The following TMEM178B variants were observed in gnomAD, a reference collection of about 807,000 sequenced individuals.
TMEM178B encodes the protein transmembrane protein 178B.
A neutral mutation model predicts 31.0 loss-of-function variants in TMEM178B; 5 were observed. The observed-to-expected ratio is 0.16, with a 90% confidence interval of 0.08 to 0.34. TMEM178B has a LOEUF of 0.34. TMEM178B is among the 10% of genes least tolerant of loss of function. The pLI is 1.00. For synonymous variants in TMEM178B, 164 were observed against 164.0 expected (o/e 1.00, Z 0.00); for missense variants, 275 against 400.3 (o/e 0.69, Z 2.67).
chr7:141,337,054 CACCACCACCATCACT>C (rs1469447254), intron 2 of TMEM178B, among the ~76,000 whole-genome samples: 1 of 82,556 alleles, frequency 1.2e-5, no homozygotes, highest in Admixed American at 1.1e-4. Context: ...CCACCATCAC[CACCACCACCATCACT>C]ACCACCACCA....
chr7:141,282,535 A>G (rs1231956591), intron 2 of TMEM178B, among the ~76,000 whole-genome samples: 1 of 152,236 alleles, frequency 6.6e-6, no homozygotes, highest in Non-Finnish European at 1.5e-5. Context: ...TGAAGAGGCA[A>G]TGCCTGATAA....
At chr7:141,156,043 C>T (rs1479855833) in intron 1 of TMEM178B, among the ~76,000 whole-genome samples, 1 of 152,034 alleles carries the variant, frequency 6.6e-6, no homozygotes, top group Non-Finnish European at 1.5e-5. Flanking sequence ...CCAGCCTGGG[C>T]GATAGGGTGA....
intron 2 of TMEM178B, among the ~76,000 whole-genome samples, chr7:141,398,049 G>A (rs1800689151): frequency 6.6e-6 from 1 of 152,198 alleles, no homozygotes; most frequent in South Asian, 2.1e-4. Flanking sequence ...GGTGTGTGGA[G>A]TGGGCAGGTA....
intron 2 of TMEM178B, among the ~76,000 whole-genome samples, chr7:141,275,960 T>A (rs1295866251): frequency 6.6e-6 from 1 of 152,184 alleles, no homozygotes; most frequent in Non-Finnish European, 1.5e-5. Flanking sequence ...GCACATCTGA[T>A]CATATTTTAT....
At chr7:141,366,251 CT>C (rs1800002611) in intron 2 of TMEM178B, among the ~76,000 whole-genome samples, 1 of 152,176 alleles carries the variant, frequency 6.6e-6, no homozygotes, top group Non-Finnish European at 1.5e-5. Flanking sequence ...CTTTGACACA[CT>C]TCTCATTTTT....
chr7:141,268,095 A>G (rs1305591267), intron 2 of TMEM178B, among the ~76,000 whole-genome samples: 1 of 152,246 alleles, frequency 6.6e-6, no homozygotes, highest in Non-Finnish European at 1.5e-5. Flanking sequence ...TTATGAAAAA[A>G]CTATGCAATG....
intron 2 of TMEM178B, among the ~76,000 whole-genome samples, chr7:141,245,165 A>G (rs1797705146): frequency 9.3e-6 from 1 of 107,640 alleles, no homozygotes; most frequent in Non-Finnish European, 1.8e-5. Flanking sequence ...GCAAGACTCC[A>G]TCACCAAAAA....
At chr7:141,401,746 C>T (rs1800780234) in intron 2 of TMEM178B, among the ~76,000 whole-genome samples, 1 of 152,186 alleles carries the variant, frequency 6.6e-6, no homozygotes, top group Non-Finnish European at 1.5e-5. Context: ...ATTTGTGTCT[C>T]TACAGACCAT....
At chr7:141,499,304 C>T in the TMEM178B span, among the ~76,000 whole-genome samples, 1 of 151,956 alleles carries the variant, frequency 6.6e-6, no homozygotes, top group African/African-American at 2.4e-5. Flanking sequence ...TAGTCCTAAT[C>T]CTTCCAACAT....
At chr7:141,393,627 GAA>G (rs1554483110) in intron 2 of TMEM178B, among the ~76,000 whole-genome samples, 2 of 152,160 alleles carry the variant, frequency 1.3e-5, no homozygotes, top group Non-Finnish European at 2.9e-5. Context: ...GCTCCAAAGA[GAA>G]AGAGAAAGGT....
intron 2 of TMEM178B, among the ~76,000 whole-genome samples, chr7:141,239,755 A>G (rs1471577504): frequency 6.6e-6 from 1 of 152,160 alleles, no homozygotes; most frequent in Non-Finnish European, 1.5e-5. Flanking sequence ...GGTCCTGGTC[A>G]CTGTTATCAG....
chr7:141,164,794 G>A lies in TMEM178B; in HGVS notation c.383-47797G>A, dbSNP rs188900457. ...GGCTGATAAGAGGGCAATGAGTGTC[G>A]TCATTAGGGATCTAGGCCTCCATCT... On this transcript the variant is annotated intron_variant, in intron 1 of 3. Coordinates refer to ENST00000565468, the MANE Select transcript of TMEM178B (RefSeq NM_001195278.2). 7.9e-5 allele frequency among the ~76,000 whole-genome samples: 12 copies of A among 152,134 alleles called. No homozygotes were observed. The East Asian group carries it at 1.9e-3, about 25-fold the overall frequency.
intron 1 of TMEM178B, among the ~76,000 whole-genome samples, chr7:141,105,247 G>A (rs1795124253): frequency 6.6e-6 from 1 of 152,158 alleles, no homozygotes; most frequent in Non-Finnish European, 1.5e-5. Flanking sequence ...GGTGGCTCAC[G>A]CCTGTAATCC....
chr7:141,469,861 T>TA lies in TMEM178B; in HGVS notation c.635-675_635-674insA, dbSNP rs551286163. On this transcript the variant is annotated intron_variant, in intron 3 of 3. Coordinates refer to ENST00000565468, the MANE Select transcript of TMEM178B (RefSeq NM_001195278.2). ...GAAATTCTGCATAAAGTAGGGTAGA[T>TA]GAGTTACCTTAATATTAACGTGGAT... Among the ~76,000 whole-genome samples, 248 of 152,358 alleles carry TA rather than the reference T, an allele frequency of 1.6e-3. 2 individuals carry two copies. Among genetic ancestry groups the TA allele is most frequent in the African/African-American group, 5.8e-3 (241 of 41,584 alleles).
At chr7:141,364,659 C>CAAAAA (rs980786132) in intron 2 of TMEM178B, among the ~76,000 whole-genome samples, 1 of 47,690 alleles carries the variant, frequency 2.1e-5, no homozygotes, top group Non-Finnish European at 4.1e-5. Flanking sequence ...GACTCTGTCT[C>CAAAAA]AAAAAAAAAA....
chr7:141,410,226 G>C (rs544223069), intron 2 of TMEM178B, among the ~76,000 whole-genome samples: 14 of 152,274 alleles, frequency 9.2e-5, no homozygotes, highest in African/African-American at 3.4e-4. Flanking sequence ...CTGGGTCTGC[G>C]TAATGAGCCT....
intron 1 of TMEM178B, among the ~76,000 whole-genome samples, chr7:141,190,317 G>A (rs916304544): frequency 1.3e-5 from 2 of 148,284 alleles, no homozygotes; most frequent in African/African-American, 5.0e-5. Context: ...TGTAACTTTT[G>A]TTTTTTTTTT....
chr7:141,097,365 C>CAAAAAAAAAAAAAAAAAAAA (rs10718738), intron 1 of TMEM178B, among the ~76,000 whole-genome samples: 1 of 85,304 alleles, frequency 1.2e-5, no homozygotes, highest in Non-Finnish European at 2.2e-5. Context: ...GACTCCGTCT[C>CAAAAAAAAAAAAAAAAAAAA]AAAAAAAAAA....
chr7:141,440,330 C>T (rs1181747), intron 3 of TMEM178B, among the ~76,000 whole-genome samples: 124,672 of 152,158 alleles, frequency 0.82, 51,620 homozygotes, highest in African/African-American at 0.94. Flanking sequence ...TTTAATCACC[C>T]GGAGAGCTTT....
Sources: gnomAD v4.1 joint callset for allele counts (sites outside exome capture counted in the v4.1 genomes callset) on GRCh38, gnomAD v4.1.1 for gene constraint, MANE v1.5 for transcripts, NCBI Gene and HGNC (gene_info 2026-07-23, HGNC 2026-07-21) for gene names.